Variants in ARHGAP15 observed in about 807,000 individuals in gnomAD.
The protein encoded by ARHGAP15 is Rho GTPase activating protein 15, also known as rho GTPase-activating protein 15.
Under a neutral mutation model 63.7 loss-of-function variants are expected in ARHGAP15, and 51 were observed. The ratio of observed to expected loss-of-function variants is 0.80; its 90% CI spans 0.64 to 1.01. ARHGAP15 has a LOEUF of 1.01. ARHGAP15 is among the 50% of genes least tolerant of loss of function. The pLI, the probability that ARHGAP15 is intolerant of heterozygous loss-of-function variation, is 0.00. For missense variants in ARHGAP15, 560 were observed against 564.6 expected (o/e 0.99, Z 0.08); for synonymous variants, 191 against 193.8 (o/e 0.99, Z 0.12).
chr2:143,768,162 A>G lies in ARHGAP15; in HGVS notation c.1418A>G (p.Glu473Gly). ...GAGTACAGTAAGATCTTCGGCTCAG[A>G]GGAAGACTGACAGACAAGACAAGCT... The part of the protein sequence containing the change: ...LSEYSKIFGS[E>G]ED Residue 473 changes from glutamate to glycine, a missense_variant, in exon 14 of 14, where the codon GAG becomes GGG. By Grantham distance (98) the Glu-to-Gly change is moderately conservative. Coordinates refer to ENST00000295095, the MANE Select transcript of ARHGAP15 (RefSeq NM_018460.4). 2 of 1,613,182 alleles carry G rather than the reference A, an allele frequency of 1.2e-6. No individual in the cohort carries two copies. Among genetic ancestry groups the G allele is most frequent in the Non-Finnish European group, 1.7e-6 (2 of 1,179,358 alleles).
At chr2:143,765,930 AT>A (rs1686932667) in intron 13 of ARHGAP15, among the ~76,000 whole-genome samples, 1 of 152,204 alleles carries the variant, frequency 6.6e-6, no homozygotes, top group Non-Finnish European at 1.5e-5. Flanking sequence ...AAATGAGACA[AT>A]AAAATTGCTT....
chr2:143,342,297 T>C (rs1685092050), intron 6 of ARHGAP15, among the ~76,000 whole-genome samples: 1 of 152,062 alleles, frequency 6.6e-6, no homozygotes, highest in African/African-American at 2.4e-5. Context: ...AGTTTATATG[T>C]CTAGAAATGT....
At chr2:143,646,695 T>C (rs1375092236) in intron 12 of ARHGAP15, among the ~76,000 whole-genome samples, 2 of 152,044 alleles carry the variant, frequency 1.3e-5, no homozygotes, top group East Asian at 1.9e-4. Flanking sequence ...AGTTAGTATG[T>C]ATTGTATTGT....
intron 13 of ARHGAP15, among the ~76,000 whole-genome samples, chr2:143,735,804 T>G (rs566868950): frequency 1.3e-5 from 2 of 152,298 alleles, no homozygotes; most frequent in South Asian, 4.1e-4. Flanking sequence ...ACTACAATAT[T>G]TTTTGTCCAA....
At chr2:143,474,484 AG>A (rs1176444921) in intron 8 of ARHGAP15, among the ~76,000 whole-genome samples, 1 of 152,220 alleles carries the variant, frequency 6.6e-6, no homozygotes, top group African/African-American at 2.4e-5. Flanking sequence ...GGTTACTGGA[AG>A]AATTGGGCCA....
intron 3 of ARHGAP15, among the ~76,000 whole-genome samples, chr2:143,203,024 G>A (rs6710871): frequency 0.17 from 25,721 of 151,844 alleles, 2,372 homozygotes; most frequent in Middle Eastern, 0.24. Context: ...TTTCCTCTAT[G>A]CTCATTCAAC....
At chr2:143,435,752 A>G (rs1689586498) in intron 7 of ARHGAP15, 53 bp downstream of exon 7, 1 of 1,542,350 alleles carries the variant, frequency 6.5e-7, no homozygotes. Flanking sequence ...AGTCATTTAA[A>G]TCTTATTGCT....
intron 2 of ARHGAP15, among the ~76,000 whole-genome samples, chr2:143,173,470 T>C (rs1314972802): frequency 6.6e-6 from 1 of 152,038 alleles, no homozygotes; most frequent in African/African-American, 2.4e-5. Flanking sequence ...AATATCTCAT[T>C]GCAACATCAG....
At chr2:143,529,613 T>A (rs1194638936) in intron 10 of ARHGAP15, among the ~76,000 whole-genome samples, 1 of 152,166 alleles carries the variant, frequency 6.6e-6, no homozygotes, top group African/African-American at 2.4e-5. Context: ...CCTTATAAGC[T>A]GCTTTCTATG....
chr2:143,622,742 C>CTCTTTGCAAACA lies in ARHGAP15; in HGVS notation c.1004-1391_1004-1390insTCTTTGCAAACA, dbSNP rs1698685841. Among the ~76,000 whole-genome samples the CTCTTTGCAAACA allele has an allele frequency of 2.9e-5, 4 of 137,656 alleles. No individual in the cohort carries two copies. The Admixed American group carries it at 3.2e-4, about 11-fold the overall frequency. 90.3% of individuals were successfully genotyped at this position (137,656 alleles called of 152,430 possible). On this transcript the variant is annotated intron_variant, in intron 11 of 13. Transcript: ENST00000295095. ...GCAAACACACTGTTGAGCAGGAACA[C>CTCTTTGCAAACA]CACTTACTATAAGCCTTAGAAACGA... is the stretch of plus-strand genomic sequence containing the variant.
At chr2:143,452,303 G>A (rs11894738) in intron 8 of ARHGAP15, among the ~76,000 whole-genome samples, 14,477 of 151,936 alleles carry the variant, frequency 0.095, 864 homozygotes, top group African/African-American at 0.17. Context: ...TTTGATATAG[G>A]TAGGATCTGC....
chr2:143,469,019 C>A (rs565606317), intron 8 of ARHGAP15, among the ~76,000 whole-genome samples: 6 of 152,178 alleles, frequency 3.9e-5, no homozygotes, highest in African/African-American at 7.2e-5. Flanking sequence ...CTGGAACTGA[C>A]CCTTTATGAG....
At chr2:143,174,538 C>A (rs1006592786) in intron 2 of ARHGAP15, among the ~76,000 whole-genome samples, 5 of 152,048 alleles carry the variant, frequency 3.3e-5, no homozygotes, top group African/African-American at 1.2e-4. Flanking sequence ...TTAGCCCTAC[C>A]TATTCTATTT....
At chr2:143,748,085 T>C (rs1438161228) in intron 13 of ARHGAP15, among the ~76,000 whole-genome samples, 2 of 152,180 alleles carry the variant, frequency 1.3e-5, no homozygotes. Flanking sequence ...CAAAATTAAG[T>C]TGTGAATTTT....
chr2:143,391,587 A>G (rs1687540458), intron 6 of ARHGAP15, among the ~76,000 whole-genome samples: 1 of 152,168 alleles, frequency 6.6e-6, no homozygotes, highest in African/African-American at 2.4e-5. Flanking sequence ...ACAAGAGAAA[A>G]TGATACACTA....
intron 6 of ARHGAP15, among the ~76,000 whole-genome samples, chr2:143,304,996 A>AT (rs1574243536): frequency 1.3e-5 from 2 of 152,250 alleles, no homozygotes; most frequent in East Asian, 3.9e-4. Context: ...AAAGGATTAT[A>AT]AATCATTCTA....
intron 6 of ARHGAP15, among the ~76,000 whole-genome samples, chr2:143,429,318 G>A (rs1350456640): frequency 1.1e-4 from 16 of 150,718 alleles, no homozygotes; most frequent in African/African-American, 3.7e-4. Context: ...GGGTGTGAAT[G>A]TTCACTACAG....
chr2:143,130,312 G>A (rs1380940761), intron 1 of ARHGAP15, among the ~76,000 whole-genome samples: 1 of 152,012 alleles, frequency 6.6e-6, no homozygotes, highest in Admixed American at 6.5e-5. Context: ...ATGTCTTTGT[G>A]TGCTGTAACA....
chr2:143,153,182 C>T (rs1233868272), intron 1 of ARHGAP15, among the ~76,000 whole-genome samples: 1 of 151,878 alleles, frequency 6.6e-6, no homozygotes, highest in Non-Finnish European at 1.5e-5. Flanking sequence ...TATGTAAACA[C>T]CGTGGCTAGA....
Sources: gnomAD v4.1 joint callset for allele counts (sites outside exome capture counted in the v4.1 genomes callset) on GRCh38, gnomAD v4.1.1 for gene constraint, MANE v1.5 for transcripts, NCBI Gene and HGNC (gene_info 2026-07-23, HGNC 2026-07-21) for gene names.